CCDC6: variants seen among roughly 807,000 people sequenced by gnomAD.
The protein encoded by CCDC6 is coiled-coil domain containing 6.
A neutral mutation model predicts 56.6 loss-of-function variants in CCDC6; 20 were observed. The ratio of observed to expected loss-of-function variants is 0.35; its 90% CI spans 0.25 to 0.51. The LOEUF is 0.51. CCDC6 is among the 20% of genes least tolerant of loss of function. CCDC6 has a pLI of 0.95. For synonymous variants in CCDC6, 241 were observed against 234.4 expected, an observed-to-expected ratio of 1.03 and a Z score of -0.26; for missense variants, 367 against 601.1, an observed-to-expected ratio of 0.61 and a Z score of 4.07.
intron 1 of CCDC6, among the ~76,000 whole-genome samples, chr10:59,857,997 A>G (rs2071094375): frequency 1.3e-5 from 2 of 152,194 alleles, no homozygotes; most frequent in Non-Finnish European, 2.9e-5. Flanking sequence ...GATGGTCAGA[A>G]TTTAGCAGAA....
intron 1 of CCDC6, among the ~76,000 whole-genome samples, chr10:59,896,567 T>C (rs2071465131): frequency 6.6e-6 from 1 of 151,446 alleles, no homozygotes; most frequent in South Asian, 2.1e-4. Flanking sequence ...GCAGCTTTTG[T>C]AGACCAGAGT....
At chr10:59,886,321 TGA>T (rs1404974481) in intron 1 of CCDC6, among the ~76,000 whole-genome samples, 1 of 152,168 alleles carries the variant, frequency 6.6e-6, no homozygotes, top group East Asian at 1.9e-4. Flanking sequence ...ATTCAGTAAT[TGA>T]TCAACTAGTC....
chr10:59,861,297 T>C (rs1420280681), intron 1 of CCDC6, among the ~76,000 whole-genome samples: 1 of 152,144 alleles, frequency 6.6e-6, no homozygotes, highest in Non-Finnish European at 1.5e-5. Flanking sequence ...AGGTTGAGGC[T>C]GCAGAGAGCC....
At chr10:59,812,551 G>T in intron 5 of CCDC6, 84 bp downstream of exon 5, 1 of 851,736 alleles carries the variant, frequency 1.2e-6, no homozygotes, top group Non-Finnish European at 1.8e-6. Flanking sequence ...AAATTCAACA[G>T]TAATTAAATG....
At position 59,858,933 on chromosome 10, in the gene CCDC6, G is replaced by A. The variant is rs547292125; in HGVS notation, c.304-6231C>T. ...TGACTCACACTGCCTGGTTTACAAGGTCGCTGTGCCTTTGTCCAGCTATAT... is the reference window on the plus strand; with the variant it reads ...TGACTCACACTGCCTGGTTTACAAGATCGCTGTGCCTTTGTCCAGCTATAT... On this transcript the variant is annotated intron_variant, in intron 1 of 8. Coordinates refer to ENST00000263102, the MANE Select transcript of CCDC6 (RefSeq NM_005436.5). 7.2e-5 allele frequency among the ~76,000 whole-genome samples: 11 copies of A among 152,248 alleles called. No homozygotes were observed. The South Asian group carries it at 1.7e-3, about 23-fold the overall frequency.
intron 3 of CCDC6, among the ~76,000 whole-genome samples, chr10:59,822,149 C>A (rs2070753906): frequency 1.3e-5 from 2 of 152,264 alleles, no homozygotes; most frequent in South Asian, 4.2e-4. Flanking sequence ...ATACAGCTTA[C>A]ATCTTTTTTC....
At chr10:59,903,962 A>C (rs1467182036) in intron 1 of CCDC6, among the ~76,000 whole-genome samples, 1 of 152,224 alleles carries the variant, frequency 6.6e-6, no homozygotes, top group Non-Finnish European at 1.5e-5. Flanking sequence ...ATCTTGAAGG[A>C]ATCTGTTTTC....
chr10:59,825,306 C>G (rs2070779155), intron 3 of CCDC6, among the ~76,000 whole-genome samples: 1 of 152,200 alleles, frequency 6.6e-6, no homozygotes, highest in South Asian at 2.1e-4. Context: ...ATGGCTTTAT[C>G]AGGGGTTTCT....
At chr10:59,809,008 C>A (rs955417647) in intron 5 of CCDC6, among the ~76,000 whole-genome samples, 4 of 152,196 alleles carry the variant, frequency 2.6e-5, no homozygotes, top group Non-Finnish European at 4.4e-5. Context: ...ACACAAAAAT[C>A]TCTTTAATTG....
chr10:59,824,945 A>T (rs1259771609), intron 3 of CCDC6, among the ~76,000 whole-genome samples: 1 of 152,106 alleles, frequency 6.6e-6, no homozygotes, highest in Non-Finnish European at 1.5e-5. Flanking sequence ...AATGCAAGTG[A>T]CTCCTCAAGG....
chr10:59,817,521 C>A (rs2070718081), intron 3 of CCDC6, among the ~76,000 whole-genome samples: 1 of 152,024 alleles, frequency 6.6e-6, no homozygotes, highest in South Asian at 2.1e-4. Flanking sequence ...GAGGCATTTA[C>A]CTTTAAGGAT....
At chr10:59,840,490 C>T (rs1165885158) in intron 2 of CCDC6, among the ~76,000 whole-genome samples, 2 of 152,150 alleles carry the variant, frequency 1.3e-5, no homozygotes, top group Non-Finnish European at 2.9e-5. Flanking sequence ...CTCCTCTGGG[C>T]ACACCTCCTG....
At chr10:59,823,063 C>A (rs892979937) in intron 3 of CCDC6, among the ~76,000 whole-genome samples, 1 of 152,134 alleles carries the variant, frequency 6.6e-6, no homozygotes, top group Non-Finnish European at 1.5e-5. Flanking sequence ...CTTTTCAGCT[C>A]CCCTTCCAGC....
chr10:59,836,156 A>AAATGT (rs1423805998), intron 2 of CCDC6, among the ~76,000 whole-genome samples: 1 of 151,906 alleles, frequency 6.6e-6, no homozygotes, highest in Non-Finnish European at 1.5e-5. Context: ...GGTAGGAGGC[A>AAATGT]AATGTGTGCA....
intron 1 of CCDC6, among the ~76,000 whole-genome samples, chr10:59,902,260 T>C (rs1238089181): frequency 6.6e-6 from 1 of 152,192 alleles, no homozygotes; most frequent in African/African-American, 2.4e-5. Context: ...AGACCATTGG[T>C]TAAGAGCTTC....
chr10:59,843,145 GA>G (rs557891981), intron 2 of CCDC6, among the ~76,000 whole-genome samples: 189 of 152,080 alleles, frequency 1.2e-3, no homozygotes, highest in African/African-American at 4.0e-3. Context: ...CTCAGCCTCC[GA>G]AAGTGTTGGG....
intron 1 of CCDC6, among the ~76,000 whole-genome samples, chr10:59,884,589 A>G (rs758415091): frequency 6.6e-6 from 1 of 152,214 alleles, no homozygotes; most frequent in Non-Finnish European, 1.5e-5. Flanking sequence ...AAGCCCTTGA[A>G]AAGAATGGGG....
At position 59,818,388 on chromosome 10, in the gene CCDC6, A is replaced by G. The variant is rs555812240; in HGVS notation, c.583-3633T>C. Among the ~76,000 whole-genome samples, 17 of 150,834 alleles carry G rather than the reference A, an allele frequency of 1.1e-4. No individual in the cohort carries two copies. The East Asian group carries it at 2.0e-3, about 17-fold the overall frequency. On this transcript the variant is annotated intron_variant, in intron 3 of 8. Transcript: ENST00000263102. Reference sequence around the variant, plus strand: ...GTTTGCTGTCCCAATTTGCTCTACTAATTTATTTCCATGATGCAGGCAACA... The same window carrying G: ...GTTTGCTGTCCCAATTTGCTCTACTGATTTATTTCCATGATGCAGGCAACA...
chr10:59,797,982 C>T (rs535960838), intron 7 of CCDC6, among the ~76,000 whole-genome samples: 1 of 152,262 alleles, frequency 6.6e-6, no homozygotes, highest in African/African-American at 2.4e-5. Context: ...GCGATCCTCA[C>T]CTACATGTGG....
Sources: allele counts gnomAD v4.1 joint callset (sites outside exome capture counted in the v4.1 genomes callset), GRCh38; gene constraint gnomAD v4.1.1; transcripts MANE v1.5; gene names NCBI Gene and HGNC (gene_info 2026-07-23, HGNC 2026-07-21).